The following ATP7A variants were observed in gnomAD, a reference collection of about 807,000 sequenced individuals.
ATP7A encodes copper-transporting ATPase 1.
ATP7A carries 7 observed loss-of-function variants against 83.5 expected under a neutral mutation model. The observed-to-expected ratio is 0.08, with a 90% CI of 0.05 to 0.16. The LOEUF is 0.16. Ranked by LOEUF, ATP7A falls within the 10% of genes least tolerant of loss-of-function variation. The pLI is 1.00. For missense variants in ATP7A, 940 were observed against 1,120.8 expected, an observed-to-expected ratio of 0.84 and a Z score of 2.30; for synonymous variants, 354 against 395.2, an observed-to-expected ratio of 0.90 and a Z score of 1.24.
rs1378121419 is a variant in ATP7A at position 78,011,094 on chromosome X, A to G, written c.1870-82A>G. 8 of 897,680 alleles carry G rather than the reference A, an allele frequency of 8.9e-6. No individual in the cohort carries two copies. In the East Asian group the frequency reaches 2.5e-4, roughly 28 times the overall value. The allele number at this position is 897,680 out of a possible 1,213,427, so 74.0% of individuals were successfully genotyped here. On this transcript the variant is annotated intron_variant, in intron 7 of 22. Transcript: ENST00000341514. ...GCCCTCAGTAATTGAACTGTTCTTA[A>G]TGACAATACCATGGCTTAGAATTTC...
At chrX:77,922,036 C>A (rs2077218933) in intron 1 of ATP7A, among the ~76,000 whole-genome samples, 1 of 111,028 alleles carries the variant, frequency 9.0e-6, no homozygotes, top group Non-Finnish European at 1.9e-5. Flanking sequence ...CTCAAGAAGT[C>A]CTCCTGCTTT....
chrX:77,987,320 A>G (rs1395173033), intron 2 of ATP7A, among the ~76,000 whole-genome samples: 3 of 111,461 alleles, frequency 2.7e-5, no homozygotes, highest in African/African-American at 9.8e-5. Context: ...GATCCTTGTA[A>G]TAGCCCTGGA....
At chrX:78,014,461 A>C (rs1263156847) in intron 10 of ATP7A, among the ~76,000 whole-genome samples, 1 of 111,473 alleles carries the variant, frequency 9.0e-6, no homozygotes, top group African/African-American at 3.3e-5. Context: ...CGTCTTTCTG[A>C]AGTGAAACAT....
chrX:77,969,577 C>CG (rs2077533874), intron 1 of ATP7A: 1 of 1,212,059 alleles, frequency 8.3e-7, no homozygotes, highest in South Asian at 1.8e-5. Flanking sequence ...GCAGCTGAAG[C>CG]GGTTCTCCAG....
chrX:78,013,167 G>C (rs2077839264), intron 10 of ATP7A, 55 bp downstream of exon 10: 2 of 1,024,261 alleles, frequency 2.0e-6, no homozygotes, highest in African/African-American at 1.9e-5. Flanking sequence ...AATGACCTTA[G>C]TATTTTTTAG....
chrX:77,955,181 C>A (rs1243506837), intron 1 of ATP7A, among the ~76,000 whole-genome samples: 11 of 111,574 alleles, frequency 9.9e-5, no homozygotes, highest in Admixed American at 6.7e-4. Context: ...TATATTTTTA[C>A]TATCACAACT....
At chrX:78,010,705 G>A (rs914672453) in intron 7 of ATP7A, among the ~76,000 whole-genome samples, 6 of 102,817 alleles carry the variant, frequency 5.8e-5, no homozygotes, top group Admixed American at 2.2e-4. Context: ...TCAGCTTCCC[G>A]AGCAGCTGGG....
chrX:78,009,435 TGGTC>T, intron 7 of ATP7A, 172 bp downstream of exon 7: 1 of 591,182 alleles, frequency 1.7e-6, no homozygotes, highest in Non-Finnish European at 2.7e-6. Context: ...TTTTTTTTTT[TGGTC>T]TTTTTCAGGA....
intron 1 of ATP7A, among the ~76,000 whole-genome samples, chrX:77,925,629 A>C (rs2149044195): frequency 9.0e-6 from 1 of 111,699 alleles, no homozygotes; most frequent in East Asian, 2.8e-4. Context: ...CTCAGCAAAA[A>C]GCCATCATCA....
At chrX:77,970,360 G>A (rs1456291342) in intron 1 of ATP7A, among the ~76,000 whole-genome samples, 8 of 111,791 alleles carry the variant, frequency 7.2e-5, no homozygotes, top group Admixed American at 4.8e-4. Flanking sequence ...CGCTTCTACC[G>A]TAGTCTATTC....
chrX:77,931,958 C>G (rs1225689773), intron 1 of ATP7A, among the ~76,000 whole-genome samples: 2 of 103,680 alleles, frequency 1.9e-5, no homozygotes, highest in East Asian at 6.4e-4. Flanking sequence ...CTGACCCCCC[C>G]ACCTCCCTCC....
intron 1 of ATP7A, among the ~76,000 whole-genome samples, chrX:77,939,093 C>G (rs111851770): frequency 1.8e-5 from 2 of 111,206 alleles, no homozygotes; most frequent in Non-Finnish European, 3.8e-5. Context: ...TCCAGGAGTT[C>G]GAGATCAGCC....
intron 12 of ATP7A, among the ~76,000 whole-genome samples, chrX:78,019,041 T>C (rs1362741506): frequency 8.9e-6 from 1 of 111,765 alleles, no homozygotes; most frequent in Admixed American, 9.5e-5. Flanking sequence ...CATGTGGGGA[T>C]TACAATTAGA....
At chrX:77,950,435 A>G (rs1422343932) in intron 1 of ATP7A, among the ~76,000 whole-genome samples, 2 of 112,060 alleles carry the variant, frequency 1.8e-5, no homozygotes, top group African/African-American at 3.2e-5. Context: ...GTGATGCACT[A>G]GAGTTTATTT....
Position 78,002,157 on chromosome X carries a change from C to T in ATP7A, c.1544-916C>T, listed in dbSNP as rs781856353. Among the ~76,000 whole-genome samples the T allele has an allele frequency of 5.5e-5, 6 of 109,110 alleles. 1 individual carries two copies. The Admixed American group carries it at 5.9e-4, about 11-fold the overall frequency. The allele number at this position is 109,110 out of a possible 115,157, so 94.7% of individuals were successfully genotyped here. ...TGAACACTGCTTACTGCAGCCTCCA[C>T]CTCCCAGGGTCAAGTGATCTTCCCA... is the stretch of plus-strand genomic sequence containing the variant. On this transcript the variant is annotated intron_variant, in intron 5 of 22. Coordinates refer to ENST00000341514, the MANE Select transcript of ATP7A (RefSeq NM_000052.7).
intron 1 of ATP7A, among the ~76,000 whole-genome samples, chrX:77,961,827 G>A (rs1224413731): frequency 2.7e-5 from 3 of 111,094 alleles, no homozygotes; most frequent in Non-Finnish European, 5.7e-5. Flanking sequence ...TCCTATCTGG[G>A]CTTTTGTTCT....
At chrX:77,955,911 G>A (rs1418695150) in intron 1 of ATP7A, among the ~76,000 whole-genome samples, 3 of 104,791 alleles carry the variant, frequency 2.9e-5, no homozygotes, top group Non-Finnish European at 5.9e-5. Context: ...TTCTGTGTCT[G>A]GCTTACTTCA....
intron 2 of ATP7A, among the ~76,000 whole-genome samples, chrX:77,976,468 G>T (rs782473796): frequency 8.9e-6 from 1 of 111,983 alleles, no homozygotes; most frequent in South Asian, 3.7e-4. Context: ...ATTGGTTTCA[G>T]TTTGCCTTGT....
chrX:78,005,659 G>T (rs1161215384), intron 6 of ATP7A, among the ~76,000 whole-genome samples: 1 of 85,224 alleles, frequency 1.2e-5, no homozygotes, highest in Non-Finnish European at 2.2e-5. Flanking sequence ...CTCCAACCTG[G>T]GCAACAACAG....
Sources: allele counts gnomAD v4.1 joint callset (sites outside exome capture counted in the v4.1 genomes callset), GRCh38; gene constraint gnomAD v4.1.1; transcripts MANE v1.5; gene names NCBI Gene and HGNC (gene_info 2026-07-23, HGNC 2026-07-21).